Variants in SEPTIN9 observed in about 807,000 individuals in gnomAD.
The protein encoded by SEPTIN9 is septin 9.
Under a neutral mutation model 56.6 loss-of-function variants are expected in SEPTIN9, and 13 were observed. The observed-to-expected ratio is 0.23, with a 90% confidence interval of 0.15 to 0.37. The LOEUF (loss-of-function observed/expected upper bound fraction) is 0.37. Among genes scored for constraint, SEPTIN9 ranks in the 10% least tolerant of loss-of-function variants. SEPTIN9 has a pLI of 1.00. For synonymous variants in SEPTIN9, 332 were observed against 334.1 expected (o/e 0.99, Z 0.07); for missense variants, 650 against 823.1 (o/e 0.79, Z 2.57).
intron 2 of SEPTIN9, among the ~76,000 whole-genome samples, chr17:77,391,538 C>G (rs970625684): frequency 6.6e-6 from 1 of 152,216 alleles, no homozygotes; most frequent in Admixed American, 6.5e-5. Flanking sequence ...ATGATCTCAC[C>G]TTGAGACCCT....
chr17:77,492,626 C>T lies in SEPTIN9; in HGVS notation c.1386C>T (p.Thr462=), dbSNP rs377093783. 27 of 1,613,854 alleles carry T rather than the reference C, an allele frequency of 1.7e-5. 1 individual carries two copies. The Middle Eastern group carries it at 6.6e-4, about 39-fold the overall frequency. ...TCTCTCCCTCCTTATCCCAGATCAC[C>T]GCAGACCTGCTGTCCAACGGCATCG... is the stretch of plus-strand genomic sequence containing the variant. The part of the protein sequence containing the change: ...EERVHFKQRI[T]ADLLSNGIDV... Residue 462 remains threonine (T), a synonymous_variant, in exon 9 of 12, where the codon ACC becomes ACT. Transcript: ENST00000427177. The surrounding 1 kb of genome is among the most constrained non-coding windows in gnomAD (Gnocchi z 5.4).
chr17:77,335,882 A>G (rs1274446117), intron 2 of SEPTIN9, among the ~76,000 whole-genome samples: 1 of 120,036 alleles, frequency 8.3e-6, no homozygotes, highest in Non-Finnish European at 1.8e-5. Context: ...CTGTATTAGT[A>G]TATGTACATA....
At chr17:77,359,745 A>G (rs905043309) in intron 2 of SEPTIN9, among the ~76,000 whole-genome samples, 1 of 152,108 alleles carries the variant, frequency 6.6e-6, no homozygotes, top group Non-Finnish European at 1.5e-5. Context: ...GCAGTGAGCT[A>G]TGATTGCACC....
At chr17:77,416,660 A>C (rs2036519224) in intron 3 of SEPTIN9, among the ~76,000 whole-genome samples, 1 of 152,184 alleles carries the variant, frequency 6.6e-6, no homozygotes, top group Non-Finnish European at 1.5e-5. Context: ...TGGTCCGAGG[A>C]CAGTCTTGCT....
At chr17:77,290,746 C>T (rs1331205313) in intron 1 of SEPTIN9, among the ~76,000 whole-genome samples, 1 of 150,264 alleles carries the variant, frequency 6.7e-6, no homozygotes, top group Non-Finnish European at 1.5e-5. Flanking sequence ...ACCCGGAAGG[C>T]GGAGCTTGCA....
chr17:77,498,416 G>A, intron 11 of SEPTIN9, 107 bp from the exon 12 acceptor site: 1 of 702,940 alleles, frequency 1.4e-6, no homozygotes, highest in East Asian at 2.8e-5. Context: ...GAGTGGGGGT[G>A]GGGGCAGGCG....
chr17:77,306,144 T>C (rs577899251), intron 1 of SEPTIN9, among the ~76,000 whole-genome samples: 72 of 152,180 alleles, frequency 4.7e-4, no homozygotes, highest in African/African-American at 1.6e-3. Flanking sequence ...GATGGATGGA[T>C]GGATGCTGCA....
intron 1 of SEPTIN9, among the ~76,000 whole-genome samples, chr17:77,298,578 GT>G (rs1338704486): frequency 6.6e-6 from 1 of 152,206 alleles, no homozygotes; most frequent in Non-Finnish European, 1.5e-5. Context: ...ACGGTTTCCT[GT>G]TGGTTCTCTC....
intron 1 of SEPTIN9, among the ~76,000 whole-genome samples, chr17:77,282,197 C>CT (rs1357949584): frequency 6.6e-6 from 1 of 152,236 alleles, no homozygotes; most frequent in Non-Finnish European, 1.5e-5. Flanking sequence ...TCATAAGAGG[C>CT]TCCCGCTCTG....
intron 2 of SEPTIN9, among the ~76,000 whole-genome samples, chr17:77,368,253 T>G (rs765668565): frequency 2.6e-4 from 40 of 152,200 alleles, no homozygotes; most frequent in Non-Finnish European, 5.1e-4. Context: ...ACAATGTGAA[T>G]GTACTTAATG....
At position 77,319,408 on chromosome 17, in the gene SEPTIN9, C is replaced by A; in HGVS notation, c.76+12211C>A. On this transcript the variant is annotated intron_variant, in intron 2 of 11. Coordinates refer to ENST00000427177, the MANE Select transcript of SEPTIN9 (RefSeq NM_001113491.2). This position sits in a 1 kb window ranked among gnomAD's most constrained non-coding sequence, Gnocchi z 5.3. ...GAGTTCCCGGAGAGGAAGACTCGCT[C>A]CCTCCCAGGGGACGGCTAGAGACTC... 1 of 368,378 alleles carries A rather than the reference C, an allele frequency of 2.7e-6. No homozygotes were observed. The highest frequency in any genetic ancestry group is 3.9e-6 in the Non-Finnish European group (1 of 256,114). 22.8% of individuals were successfully genotyped at this position (368,378 alleles called of 1,614,324 possible). A position where few individuals can be genotyped will look rare whatever the true frequency, so the allele number is the denominator to read the frequency against.
chr17:77,406,410 A>G (rs1336063873), intron 3 of SEPTIN9, among the ~76,000 whole-genome samples: 1 of 152,078 alleles, frequency 6.6e-6, no homozygotes, highest in Non-Finnish European at 1.5e-5. Flanking sequence ...CTTGGGATAT[A>G]AATGATTTGT....
At chr17:77,368,321 T>TG (rs2034630581) in intron 2 of SEPTIN9, among the ~76,000 whole-genome samples, 1 of 151,802 alleles carries the variant, frequency 6.6e-6, no homozygotes, top group South Asian at 2.1e-4. Context: ...TTTTGTTTTT[T>TG]TTTTTTTTGA....
In SEPTIN9 at chr17:77,450,563, G is replaced by T; in HGVS notation, c.722-31581G>T. On this transcript the variant is annotated intron_variant, in intron 3 of 11. Transcript: ENST00000427177. This position sits in a 1 kb window ranked among gnomAD's most constrained non-coding sequence, Gnocchi z 6.0. ...TTCAGAGGTCGTGGCACTGAGATGG[G>T]TCTGGCAGATCCCAGCGTCCAGGCC... The T allele has an allele frequency of 1.0e-6, 1 of 985,552 alleles. No individual in the cohort carries two copies. The highest frequency in any genetic ancestry group is 1.7e-5 in the African/African-American group (1 of 57,332). 61.1% of individuals were successfully genotyped at this position (985,552 alleles called of 1,614,324 possible). A position where few individuals can be genotyped will look rare whatever the true frequency, so the allele number is the denominator to read the frequency against.
In SEPTIN9 at chr17:77,488,813, C is replaced by T. The variant is rs777636409; in HGVS notation, c.1211C>T (p.Pro404Leu). 31 of 1,613,664 alleles carry T rather than the reference C, an allele frequency of 1.9e-5. No individual in the cohort carries two copies. Among genetic ancestry groups the T allele is most frequent in the South Asian group, 9.9e-5 (9 of 91,092 alleles). ...EVNINRKKRI[P>L]DTRVHCCLYF... ...AACATCAACCGCAAGAAGCGCATCC[C>T]GGACACCCGCGTCCACTGCTGCCTC... Residue 404 changes from proline (P) to leucine (L), a missense_variant, in exon 7 of 12, where the codon CCG becomes CTG. Coordinates refer to ENST00000427177, the MANE Select transcript of SEPTIN9 (RefSeq NM_001113491.2).
intron 2 of SEPTIN9, among the ~76,000 whole-genome samples, chr17:77,325,080 A>G (rs1440133976): frequency 6.6e-6 from 1 of 152,034 alleles, no homozygotes; most frequent in Non-Finnish European, 1.5e-5. Context: ...CGGCCTCCCA[A>G]AGTGCCGGAG....
rs2033258978 is a variant in SEPTIN9, at chr17:77,329,265, C to T, written c.76+22068C>T. ...AGCTGGAGAGGGAGGATCAGGATCT[C>T]TTTAGAGAGGAAGTTGGAGAGGGAG... On this transcript the variant is annotated intron_variant, in intron 2 of 11. Coordinates refer to ENST00000427177, the MANE Select transcript of SEPTIN9 (RefSeq NM_001113491.2). This position sits in a 1 kb window ranked among gnomAD's most constrained non-coding sequence, Gnocchi z 4.3. Among the ~76,000 whole-genome samples, 1 of 152,156 alleles carries T rather than the reference C, an allele frequency of 6.6e-6. No homozygotes were observed. Among genetic ancestry groups the T allele is most frequent in the African/African-American group, 2.4e-5 (1 of 41,438 alleles).
chr17:77,319,638 C>T lies in SEPTIN9; in HGVS notation c.76+12441C>T, dbSNP rs1567991187. 1 of 1,062,568 alleles carries T rather than the reference C, an allele frequency of 9.4e-7. No individual in the cohort carries two copies. 65.8% of individuals were successfully genotyped at this position (1,062,568 alleles called of 1,614,324 possible). ...GGGCACGGCCGTTCCTCCTGCCCAG[C>T]CACGTTGGGGTACAGGGTGAAGAAG... On this transcript the variant is annotated intron_variant, in intron 2 of 11. Coordinates refer to ENST00000427177, the MANE Select transcript of SEPTIN9 (RefSeq NM_001113491.2). This position sits in a 1 kb window ranked among gnomAD's most constrained non-coding sequence, Gnocchi z 5.3.
chr17:77,482,833 G>C, intron 4 of SEPTIN9: 1 of 488,690 alleles, frequency 2.0e-6, no homozygotes, highest in Non-Finnish European at 3.7e-6. Flanking sequence ...CACCACGGGA[G>C]GTCGTCGATC....
Sources: allele counts gnomAD v4.1 joint callset (sites outside exome capture counted in the v4.1 genomes callset), GRCh38; gene constraint gnomAD v4.1.1; non-coding constraint Gnocchi (gnomAD v3.1); transcripts MANE v1.5; gene names NCBI Gene and HGNC (gene_info 2026-07-23, HGNC 2026-07-21).